The following DCC variants were observed in gnomAD, a reference collection of about 807,000 sequenced individuals.
DCC encodes DCC netrin 1 receptor, also known as netrin receptor DCC.
Under a neutral mutation model 172.5 loss-of-function variants are expected in DCC, and 58 were observed. The ratio of observed to expected loss-of-function variants is 0.34; its 90% CI spans 0.27 to 0.42. The LOEUF is 0.42. DCC is among the 10% of genes least tolerant of loss of function. DCC has a pLI of 1.00. For missense variants in DCC, 1,740 were observed against 1,791.0 expected (o/e 0.97, Z 0.51); for synonymous variants, 709 against 644.5 (o/e 1.10, Z -1.52).
At chr18:52,715,373 C>G (rs1321484610) in intron 1 of DCC, among the ~76,000 whole-genome samples, 2 of 150,146 alleles carry the variant, frequency 1.3e-5, no homozygotes, top group Non-Finnish European at 3.0e-5. Flanking sequence ...GATATCAGCT[C>G]ACTGCAACCT....
intron 14 of DCC, among the ~76,000 whole-genome samples, chr18:53,333,885 A>G (rs1329647157): frequency 2.0e-5 from 3 of 152,212 alleles, no homozygotes; most frequent in Non-Finnish European, 2.9e-5. Flanking sequence ...CCAGACTTAC[A>G]TACCCAACTA....
intron 3 of DCC, among the ~76,000 whole-genome samples, chr18:52,920,098 C>T (rs1042465228): frequency 6.9e-6 from 1 of 145,024 alleles, no homozygotes; most frequent in Non-Finnish European, 1.5e-5. Flanking sequence ...TAAATTCAAA[C>T]ACAAAATTAT....
At chr18:52,402,414 T>C (rs1313582541) in intron 1 of DCC, among the ~76,000 whole-genome samples, 1 of 151,968 alleles carries the variant, frequency 6.6e-6, no homozygotes, top group Non-Finnish European at 1.5e-5. Flanking sequence ...AACAGTTCAT[T>C]TTACTCATTG....
At chr18:53,404,686 G>A (rs1316891358) in intron 19 of DCC, among the ~76,000 whole-genome samples, 12 of 151,520 alleles carry the variant, frequency 7.9e-5, no homozygotes, top group South Asian at 2.1e-4. Flanking sequence ...AGCCCCGTTC[G>A]CGCTACTGCA....
chr18:53,203,338 A>G (rs1392876688), intron 9 of DCC, among the ~76,000 whole-genome samples: 3 of 151,974 alleles, frequency 2.0e-5, no homozygotes. Flanking sequence ...TGGCTGTTCT[A>G]TGCACTATCC....
chr18:52,727,189 C>A (rs185390370), intron 1 of DCC, among the ~76,000 whole-genome samples: 32 of 152,278 alleles, frequency 2.1e-4, no homozygotes, highest in African/African-American at 7.2e-4. Context: ...TGAAAAATTA[C>A]TTTTCCCTAC....
intron 12 of DCC, among the ~76,000 whole-genome samples, chr18:53,221,556 G>A (rs1379825698): frequency 6.6e-6 from 1 of 152,080 alleles, no homozygotes; most frequent in Non-Finnish European, 1.5e-5. Flanking sequence ...AGAAAATGGG[G>A]AGTTATTGGT....
intron 14 of DCC, among the ~76,000 whole-genome samples, chr18:53,323,412 C>T (rs2057433283): frequency 6.6e-6 from 1 of 152,194 alleles, no homozygotes; most frequent in South Asian, 2.1e-4. Flanking sequence ...TGCCATGTGA[C>T]TGCATATTAA....
chr18:53,424,678 A>C (rs957350987), intron 21 of DCC, among the ~76,000 whole-genome samples: 19 of 152,250 alleles, frequency 1.2e-4, no homozygotes, highest in African/African-American at 3.9e-4. Flanking sequence ...GAGAAATTCT[A>C]GGATGGAAAA....
chr18:52,585,864 A>C (rs1385318489), intron 1 of DCC, among the ~76,000 whole-genome samples: 4 of 152,134 alleles, frequency 2.6e-5, no homozygotes, highest in Non-Finnish European at 5.9e-5. Context: ...TGAGTGGATC[A>C]CGAGGTTAGG....
chr18:53,360,541 G>GA (rs1298802133), intron 15 of DCC, among the ~76,000 whole-genome samples: 3 of 151,660 alleles, frequency 2.0e-5, no homozygotes, highest in South Asian at 4.2e-4. Flanking sequence ...ATTGAAATGA[G>GA]AAAAAAAAGT....
chr18:52,380,732 C>A (rs892807704), intron 1 of DCC, among the ~76,000 whole-genome samples: 17 of 152,118 alleles, frequency 1.1e-4, no homozygotes, highest in Non-Finnish European at 2.2e-4. Flanking sequence ...CTGGTAAGAT[C>A]CATTCCAGAT....
chr18:52,748,814 G>T (rs1395858712), intron 1 of DCC, among the ~76,000 whole-genome samples: 1 of 152,238 alleles, frequency 6.6e-6, no homozygotes, highest in African/African-American at 2.4e-5. Flanking sequence ...GTCCCCAGGT[G>T]TGGCTGAGTC....
chr18:52,354,020 G>T (rs1172174626), intron 1 of DCC, among the ~76,000 whole-genome samples: 7 of 152,128 alleles, frequency 4.6e-5, no homozygotes, highest in African/African-American at 1.7e-4. Context: ...CTTTAAGAAA[G>T]AATTAAGGGA....
chr18:52,782,072 A>G (rs1423508587), intron 2 of DCC, among the ~76,000 whole-genome samples: 1 of 152,150 alleles, frequency 6.6e-6, no homozygotes, highest in Admixed American at 6.5e-5. Context: ...GGTAAAATAC[A>G]ATTGAGTAGA....
At chr18:53,506,740 C>A (rs1598821499) in intron 27 of DCC, among the ~76,000 whole-genome samples, 1 of 151,936 alleles carries the variant, frequency 6.6e-6, no homozygotes, top group East Asian at 1.9e-4. Context: ...TGCCTGTAAT[C>A]CCAGATACTC....
intron 7 of DCC, among the ~76,000 whole-genome samples, chr18:53,091,811 ATATCTATC>A (rs750251115): frequency 6.1e-4 from 86 of 141,268 alleles, no homozygotes; most frequent in African/African-American, 1.4e-3. Flanking sequence ...CACTGTACAT[ATATCTATC>A]TATCTATCTA....
chr18:52,947,999 A>T (rs1001945505), intron 5 of DCC, among the ~76,000 whole-genome samples: 1 of 152,166 alleles, frequency 6.6e-6, no homozygotes, highest in Non-Finnish European at 1.5e-5. Context: ...CTAACCATTT[A>T]AAAAATACAT....
chr18:52,603,094 G>C (rs760742806), intron 1 of DCC, among the ~76,000 whole-genome samples: 11 of 152,010 alleles, frequency 7.2e-5, no homozygotes, highest in Non-Finnish European at 1.6e-4. Flanking sequence ...AAAATCACCT[G>C]AGAAGCACCT....
Sources: gnomAD v4.1 joint callset for allele counts (sites outside exome capture counted in the v4.1 genomes callset) on GRCh38, gnomAD v4.1.1 for gene constraint, MANE v1.5 for transcripts, NCBI Gene and HGNC (gene_info 2026-07-23, HGNC 2026-07-21) for gene names.